Variants in GPD2 observed in about 807,000 individuals in gnomAD.
GPD2 encodes glycerol-3-phosphate dehydrogenase 2.
Under a neutral mutation model 82.4 loss-of-function variants are expected in GPD2, and 54 were observed. The ratio of observed to expected loss-of-function variants is 0.66; its 90% CI spans 0.53 to 0.82. The LOEUF (loss-of-function observed/expected upper bound fraction) is 0.82, where lower values mean the gene tolerates loss of function less well. Among genes scored for constraint, GPD2 ranks in the 40% least tolerant of loss-of-function variants. GPD2 has a pLI of 0.00. For missense variants in GPD2, 748 were observed against 896.2 expected (o/e 0.83, Z 2.11); for synonymous variants, 288 against 306.1 (o/e 0.94, Z 0.62).
chr2:156,557,359 A>G (rs1171794263), intron 8 of GPD2, 30 bp from the exon 9 acceptor site: 1 of 1,403,572 alleles, frequency 7.1e-7, no homozygotes, highest in Non-Finnish European at 1.0e-6. Flanking sequence ...TGGGATTTTC[A>G]GAAATAAATA....
Position 156,513,512 on chromosome 2 carries a change from T to C in GPD2, c.661+16T>C. 1 of 1,607,326 alleles carries C rather than the reference T, an allele frequency of 6.2e-7. No individual in the cohort carries two copies. The highest frequency in any genetic ancestry group is 1.1e-5 in the South Asian group (1 of 90,936). ...TACTATGACGGTATGTGATGTTTTT[T>C]TTTTTTTTCCTCACAAGATACTTTT... On this transcript the variant is annotated intron_variant, in intron 6 of 16. Transcript: ENST00000438166.
At chr2:156,532,060 T>C (rs544291851) in intron 6 of GPD2, among the ~76,000 whole-genome samples, 2 of 152,296 alleles carry the variant, frequency 1.3e-5, no homozygotes, top group Admixed American at 1.3e-4. Flanking sequence ...TGGAGTACAG[T>C]GGAGTGATCA....
At chr2:156,577,565 A>C (rs1687869791) in intron 13 of GPD2, among the ~76,000 whole-genome samples, 1 of 152,170 alleles carries the variant, frequency 6.6e-6, no homozygotes, top group Non-Finnish European at 1.5e-5. Context: ...ATATAAACAC[A>C]GTTCATGCAA....
At chr2:156,459,794 C>T (rs1379244895) in intron 1 of GPD2, among the ~76,000 whole-genome samples, 1 of 150,796 alleles carries the variant, frequency 6.6e-6, no homozygotes, top group Admixed American at 6.6e-5. Flanking sequence ...TTTGTTCAGG[C>T]TGAGACTATC....
chr2:156,556,386 C>T (rs1387759888), intron 8 of GPD2, among the ~76,000 whole-genome samples: 1 of 152,200 alleles, frequency 6.6e-6, no homozygotes, highest in Admixed American at 6.5e-5. Flanking sequence ...GAATAGGACA[C>T]TTTAAGATTC....
intron 9 of GPD2, among the ~76,000 whole-genome samples, chr2:156,561,633 G>A (rs1687180967): frequency 6.6e-6 from 1 of 152,156 alleles, no homozygotes. Context: ...CCTTGGGCCA[G>A]TCTTCTTTAC....
In GPD2 at chr2:156,496,234, T is replaced by A. The variant is rs188328187; in HGVS notation, c.274+19T>A. ...ACCAGAGGTAAGTCTTTTTTTTTTT[T>A]ATTTTAATTTTAAGTTCTGGGGTAC... On this transcript the variant is annotated intron_variant, in intron 3 of 16. Transcript: ENST00000438166. 4.2e-4 allele frequency: 634 copies of A among 1,523,388 alleles called. 1 individual carries two copies. The African/African-American group carries it at 7.9e-3, about 19-fold the overall frequency. 94.4% of individuals were successfully genotyped at this position (1,523,388 alleles called of 1,614,324 possible).
chr2:156,403,943 A>G, the GPD2 span, among the ~76,000 whole-genome samples: 1 of 152,224 alleles, frequency 6.6e-6, no homozygotes, highest in African/African-American at 2.4e-5. Context: ...GGTTGAGTGT[A>G]TAGTTTGGGT....
At chr2:156,574,052 G>A (rs542543969) in intron 13 of GPD2, among the ~76,000 whole-genome samples, 4 of 152,252 alleles carry the variant, frequency 2.6e-5, no homozygotes, top group African/African-American at 7.2e-5. Context: ...TATAACACAT[G>A]TATAGCTCTG....
At chr2:156,573,845 G>A (rs1159515994) in intron 13 of GPD2, among the ~76,000 whole-genome samples, 5 of 152,132 alleles carry the variant, frequency 3.3e-5, no homozygotes, top group Non-Finnish European at 7.4e-5. Flanking sequence ...CTGAGAAAAG[G>A]TTAAAAGCAT....
the GPD2 span, among the ~76,000 whole-genome samples, chr2:156,414,714 T>A: frequency 6.6e-6 from 1 of 152,168 alleles, no homozygotes; most frequent in African/African-American, 2.4e-5. Context: ...CTAAATATAT[T>A]TTCAAATGTT....
chr2:156,565,126 G>A lies in GPD2; in HGVS notation c.1166-3699G>A, dbSNP rs556367721. On this transcript the variant is annotated intron_variant, in intron 9 of 16. Transcript: ENST00000438166. ...ATTTGCATATGCCTCAAATTTACTC[G>A]CAAAGCCTAATTTTCCATCAAATAA... Among the ~76,000 whole-genome samples the A allele has an allele frequency of 4.3e-4, 65 of 152,084 alleles. No individual in the cohort carries two copies. The South Asian group carries it at 8.3e-3, about 19-fold the overall frequency.
chr2:156,465,814 A>G (rs930019163), intron 1 of GPD2, among the ~76,000 whole-genome samples: 1 of 152,324 alleles, frequency 6.6e-6, no homozygotes, highest in African/African-American at 2.4e-5. Context: ...CAGGACTAGT[A>G]TGGTCTGTTT....
chr2:156,522,066 C>T (rs1685428871), intron 6 of GPD2, among the ~76,000 whole-genome samples: 1 of 151,914 alleles, frequency 6.6e-6, no homozygotes, highest in African/African-American at 2.4e-5. Flanking sequence ...AGAAACAAAA[C>T]TTATAAATTG....
chr2:156,434,498 T>G (rs1318668491), upstream of GPD2, among the ~76,000 whole-genome samples: 1 of 152,216 alleles, frequency 6.6e-6, no homozygotes, highest in Non-Finnish European at 1.5e-5. Flanking sequence ...GTCTATAGAT[T>G]GTTCTTCGTA....
Position 156,479,109 on chromosome 2 carries a change from G to C in GPD2, c.102+2902G>C, listed in dbSNP as rs540778564. Among the ~76,000 whole-genome samples, 5 of 152,322 alleles carry C rather than the reference G, an allele frequency of 3.3e-5. No individual in the cohort carries two copies. In the East Asian group the frequency reaches 7.7e-4, roughly 23 times the overall value. On this transcript the variant is annotated intron_variant, in intron 2 of 16. Transcript: ENST00000438166. ...TTGGTACATTGTTAAAACATTTTTGGTGATGAGATAGTACTATGAGTGTTT... is the reference window on the plus strand; with the variant it reads ...TTGGTACATTGTTAAAACATTTTTGCTGATGAGATAGTACTATGAGTGTTT...
At chr2:156,415,872 A>AT in the GPD2 span, among the ~76,000 whole-genome samples, 3 of 142,184 alleles carry the variant, frequency 2.1e-5, 1 homozygote, top group Non-Finnish European at 3.2e-5. Flanking sequence ...AATAAATAAA[A>AT]TAGCCGGGCG....
At chr2:156,431,749 C>T (rs912003959), upstream of GPD2, among the ~76,000 whole-genome samples, 15 of 151,602 alleles carry the variant, frequency 9.9e-5, no homozygotes, top group East Asian at 2.7e-3. Flanking sequence ...AAAGAATTGT[C>T]AAAAAAGGCT....
chr2:156,528,528 G>A (rs558739490), intron 6 of GPD2, among the ~76,000 whole-genome samples: 2 of 150,700 alleles, frequency 1.3e-5, no homozygotes, highest in East Asian at 3.9e-4. Context: ...ATGCTAGTGC[G>A]CTGCACCCAC....
Sources: allele counts gnomAD v4.1 joint callset (sites outside exome capture counted in the v4.1 genomes callset), GRCh38; gene constraint gnomAD v4.1.1; transcripts MANE v1.5; gene names NCBI Gene and HGNC (gene_info 2026-07-23, HGNC 2026-07-21).